ASAP3: variants seen among roughly 807,000 people sequenced by gnomAD.
The protein encoded by ASAP3 is arf-GAP with SH3 domain, ANK repeat and PH domain-containing protein 3.
In ASAP3, 85 loss-of-function variants were observed where a neutral mutation model predicts 118.2. The observed-to-expected ratio is 0.72, with a 90% CI of 0.60 to 0.86. The LOEUF (loss-of-function observed/expected upper bound fraction) is 0.86, where lower values mean the gene tolerates loss of function less well. ASAP3 is among the 40% of genes least tolerant of loss of function. The pLI is 0.00. For synonymous variants in ASAP3, 432 were observed against 477.4 expected, an observed-to-expected ratio of 0.90 and a Z score of 1.24; for missense variants, 1,026 against 1,175.0, an observed-to-expected ratio of 0.87 and a Z score of 1.85.
intron 1 of ASAP3, among the ~76,000 whole-genome samples, chr1:23,467,836 C>T (rs1641823883): frequency 6.6e-6 from 1 of 151,488 alleles, no homozygotes; most frequent in Non-Finnish European, 1.5e-5. Flanking sequence ...GCCTGTAGTC[C>T]CGGCTACTCA....
intron 1 of ASAP3, among the ~76,000 whole-genome samples, chr1:23,458,243 G>A (rs188718555): frequency 6.6e-6 from 1 of 152,316 alleles, no homozygotes; most frequent in East Asian, 1.9e-4. Context: ...CACTTTGGGA[G>A]GCAGAAACAG....
In ASAP3 at chr1:23,455,944, C is replaced by T. The variant is rs1236687110; in HGVS notation, c.285G>A (p.Leu95=). The change falls in exon 3 of 25, where the codon CTG becomes CTA. Residue 95 remains leucine (L), a synonymous_variant. Transcript: ENST00000336689. The part of the protein sequence containing the change: ...NSHLSQNSHE[L]STGFLNLAVF... ...CGGCCAAGTTTAGGAAGCCTGTGGA[C>T]AGCTCATGGCTGTTCTGGGACAGGT... The T allele has an allele frequency of 1.9e-6, 3 of 1,614,056 alleles. No homozygotes were observed. The highest frequency in any genetic ancestry group is 3.3e-5 in the Admixed American group (2 of 59,994).
chr1:23,469,005 C>T (rs999520389), intron 1 of ASAP3, among the ~76,000 whole-genome samples: 1 of 150,386 alleles, frequency 6.6e-6, no homozygotes, highest in Non-Finnish European at 1.5e-5. Context: ...ATCCAATTAC[C>T]AATTTACAGA....
intron 1 of ASAP3, among the ~76,000 whole-genome samples, chr1:23,480,776 G>C (rs747670513): frequency 1.3e-5 from 2 of 152,180 alleles, no homozygotes; most frequent in African/African-American, 4.8e-5. Flanking sequence ...CACTGCCCTA[G>C]GCCCGGTTTC....
At position 23,437,606 on chromosome 1, in the gene ASAP3, G is replaced by A; in HGVS notation, c.1103-134C>T. On this transcript the variant is annotated intron_variant, in intron 12 of 24. Transcript: ENST00000336689. The surrounding 1 kb of genome is among the most constrained non-coding windows in gnomAD (Gnocchi z 6.1). ...CAAGTCGGACTCTCAAGCTAGGAGT[G>A]GGAAGGGAGTGGAATGACAGTGGCC... The A allele has an allele frequency of 1.8e-6, 2 of 1,116,772 alleles. No individual in the cohort carries two copies. Among genetic ancestry groups the A allele is most frequent in the Admixed American group, 2.5e-5 (1 of 40,628 alleles). 69.2% of individuals were successfully genotyped at this position (1,116,772 alleles called of 1,614,324 possible). A position where few individuals can be genotyped will look rare whatever the true frequency, so the allele number is the denominator to read the frequency against.
chr1:23,472,234 G>A (rs1036438097), intron 1 of ASAP3, among the ~76,000 whole-genome samples: 2 of 152,212 alleles, frequency 1.3e-5, no homozygotes, highest in Non-Finnish European at 2.9e-5. Context: ...TTTATGTTAT[G>A]TGAATTTTAC....
At chr1:23,446,676 G>C (rs1641057284) in intron 5 of ASAP3, among the ~76,000 whole-genome samples, 1 of 152,108 alleles carries the variant, frequency 6.6e-6, no homozygotes, top group Admixed American at 6.5e-5. Context: ...GACCTCAGGT[G>C]ATCTGCCTGC....
At position 23,436,159 on chromosome 1, in the gene ASAP3, T is replaced by C; in HGVS notation, c.1572-131A>G. ...TCCTGAAGACGTCTAGATCTGAGGC[T>C]CCCCTCTCCCCAGGCTTTTTTTTTA... On this transcript the variant is annotated intron_variant, in intron 16 of 24. Coordinates refer to ENST00000336689, the MANE Select transcript of ASAP3 (RefSeq NM_017707.4). This position sits in a 1 kb window ranked among gnomAD's most constrained non-coding sequence, Gnocchi z 4.2. 1 of 1,002,598 alleles carries C rather than the reference T, an allele frequency of 1.0e-6. No individual in the cohort carries two copies. The highest frequency in any genetic ancestry group is 1.5e-6 in the Non-Finnish European group (1 of 685,972). The allele number at this position is 1,002,598 out of a possible 1,614,324, so 62.1% of individuals were successfully genotyped here.
intron 1 of ASAP3, among the ~76,000 whole-genome samples, chr1:23,475,226 A>G (rs1299242061): frequency 6.6e-6 from 1 of 152,182 alleles, no homozygotes; most frequent in Non-Finnish European, 1.5e-5. Context: ...GATCCATTCC[A>G]ATGCTGGTGG....
Position 23,441,338 on chromosome 1 carries a change from G to A in ASAP3, c.834+49C>T, listed in dbSNP as rs542605560. ...GTCTTCCTTCTCTCCCTCCCTCCAC[G>A]GTGGGCCTTGGGGGAGGGCATTCCT... On this transcript the variant is annotated intron_variant, in intron 9 of 24. Transcript: ENST00000336689. 557 of 1,608,982 alleles carry A rather than the reference G, an allele frequency of 3.5e-4. 6 individuals carry two copies. The South Asian group carries it at 4.7e-3, about 14-fold the overall frequency.
intron 1 of ASAP3, among the ~76,000 whole-genome samples, chr1:23,474,646 C>T (rs895137041): frequency 1.3e-5 from 2 of 152,034 alleles, no homozygotes; most frequent in African/African-American, 2.4e-5. Flanking sequence ...TGCAGTGGCG[C>T]AATCTCGGCT....
Position 23,436,779 on chromosome 1 carries a change from G to T in ASAP3, c.1477-125C>A. 1 of 1,526,354 alleles carries T rather than the reference G, an allele frequency of 6.6e-7. No individual in the cohort carries two copies. Among genetic ancestry groups the T allele is most frequent in the South Asian group, 1.2e-5 (1 of 81,266 alleles). The allele number at this position is 1,526,354 out of a possible 1,614,324, so 94.6% of individuals were successfully genotyped here. On this transcript the variant is annotated intron_variant, in intron 15 of 24. Transcript: ENST00000336689. The surrounding 1 kb of genome is among the most constrained non-coding windows in gnomAD (Gnocchi z 4.2). ...CCCTCCCGGTTCAGGCCCCGCCCCT[G>T]ACCACCCGCTACCTGGCTTGTCCCA... is the stretch of plus-strand genomic sequence containing the variant.
intron 1 of ASAP3, among the ~76,000 whole-genome samples, chr1:23,479,447 C>A (rs1012859989): frequency 6.6e-6 from 1 of 152,094 alleles, no homozygotes; most frequent in African/African-American, 2.4e-5. Context: ...TCTTCTCTGA[C>A]GATCAAAAAA....
At chr1:23,440,708 T>G (rs1346832773) in intron 10 of ASAP3, among the ~76,000 whole-genome samples, 1 of 149,298 alleles carries the variant, frequency 6.7e-6, no homozygotes, top group Non-Finnish European at 1.5e-5. Flanking sequence ...TACAAAAAAA[T>G]TAGCCGAGTG....
At chr1:23,448,570 G>C (rs888871574) in intron 5 of ASAP3, among the ~76,000 whole-genome samples, 1 of 151,814 alleles carries the variant, frequency 6.6e-6, no homozygotes, top group African/African-American at 2.4e-5. Context: ...TGAGATTACA[G>C]TCATTAGCCA....
intron 24 of ASAP3, 97 bp downstream of exon 24, chr1:23,430,938 T>C (rs1306426779): frequency 1.6e-5 from 19 of 1,181,782 alleles, no homozygotes; most frequent in Non-Finnish European, 2.2e-5. Context: ...ACCCCAACCA[T>C]GGGGAGGTCT....
In ASAP3 at chr1:23,442,500, C is replaced by G; in HGVS notation, c.585+1G>C. 1 of 1,613,370 alleles carries G rather than the reference C, an allele frequency of 6.2e-7. No individual in the cohort carries two copies. The highest frequency in any genetic ancestry group is 8.5e-7 in the Non-Finnish European group (1 of 1,179,646). ...CCTCCCTCATCCAGAGCACCCCTTA[C>G]CTCACACATGTGCAGCTGGAAGATG... On this transcript the variant is annotated splice_donor_variant, in intron 6 of 24. Coordinates refer to ENST00000336689, the MANE Select transcript of ASAP3 (RefSeq NM_017707.4). LOFTEE classifies it high-confidence loss of function.
At chr1:23,471,554 T>A (rs1463102697) in intron 1 of ASAP3, among the ~76,000 whole-genome samples, 1 of 152,222 alleles carries the variant, frequency 6.6e-6, no homozygotes, top group Non-Finnish European at 1.5e-5. Flanking sequence ...CAAGGCCCAG[T>A]GGCAATATAG....
In ASAP3 at chr1:23,458,444, G is replaced by A. The variant is rs191987687; in HGVS notation, c.130-2250C>T. On this transcript the variant is annotated intron_variant, in intron 1 of 24. Transcript: ENST00000336689. ...TCAAGACCAGCCTGGACAGCTTGGCGAAACCCCATCTCCATGTGGTGGCAT... is the reference window on the plus strand; with the variant it reads ...TCAAGACCAGCCTGGACAGCTTGGCAAAACCCCATCTCCATGTGGTGGCAT... Among the ~76,000 whole-genome samples, 8 of 152,158 alleles carry A rather than the reference G, an allele frequency of 5.3e-5. No homozygotes were observed. In the East Asian group the frequency reaches 7.7e-4, roughly 15 times the overall value.
Sources: allele counts gnomAD v4.1 joint callset (sites outside exome capture counted in the v4.1 genomes callset), GRCh38; gene constraint gnomAD v4.1.1; non-coding constraint Gnocchi (gnomAD v3.1); transcripts MANE v1.5; gene names NCBI Gene and HGNC (gene_info 2026-07-23, HGNC 2026-07-21).